The following OR51B5 variants were observed in gnomAD, a reference collection of about 807,000 sequenced individuals.
OR51B5 encodes the protein olfactory receptor 51B5.
For synonymous variants in OR51B5, 186 were observed against 144.8 expected (o/e 1.28, Z -2.04); for missense variants, 456 against 374.6 (o/e 1.22, Z -1.79).
intron 1 of OR51B5, among the ~76,000 whole-genome samples, chr11:5,500,674 A>G (rs954313460): frequency 6.7e-6 from 1 of 148,286 alleles, no homozygotes; most frequent in Non-Finnish European, 1.5e-5. Context: ...ACAACCCTGT[A>G]GTCATGTCAC....
chr11:5,504,410 C>A (rs16931951), intron 1 of OR51B5, among the ~76,000 whole-genome samples: 6,925 of 152,204 alleles, frequency 0.045, 301 homozygotes, highest in East Asian at 0.25. Flanking sequence ...GCAGTAGGCC[C>A]AGCATGACCA....
At chr11:5,453,025 A>T (rs1364058245) in intron 1 of OR51B5, among the ~76,000 whole-genome samples, 1 of 152,164 alleles carries the variant, frequency 6.6e-6, no homozygotes, top group East Asian at 1.9e-4. Context: ...TTAATTTGTG[A>T]TACATATGAA....
At chr11:5,427,359 G>A (rs1422933791) in intron 1 of OR51B5, among the ~76,000 whole-genome samples, 2 of 147,100 alleles carry the variant, frequency 1.4e-5, no homozygotes, top group Admixed American at 6.8e-5. Context: ...TGAACAGTTA[G>A]GTAAGTGAAG....
intron 1 of OR51B5, among the ~76,000 whole-genome samples, chr11:5,407,006 T>A (rs907779889): frequency 2.0e-5 from 3 of 152,014 alleles, no homozygotes; most frequent in African/African-American, 7.2e-5. Flanking sequence ...AACCACAAAA[T>A]TAATGATTTA....
At chr11:5,376,098 T>C (rs1324372575) in intron 1 of OR51B5, among the ~76,000 whole-genome samples, 1 of 151,846 alleles carries the variant, frequency 6.6e-6, no homozygotes, top group East Asian at 1.9e-4. Flanking sequence ...AGAACAGAAA[T>C]TATAACAAAC....
chr11:5,423,185 A>G (rs2133762151), intron 1 of OR51B5: 2 of 1,546,092 alleles, frequency 1.3e-6, no homozygotes, highest in South Asian at 1.2e-5. Flanking sequence ...ACTGACAAGT[A>G]TGAGTCATAG....
intron 1 of OR51B5, among the ~76,000 whole-genome samples, chr11:5,404,176 G>A (rs1014249323): frequency 6.9e-6 from 1 of 144,280 alleles, no homozygotes; most frequent in Non-Finnish European, 1.5e-5. Context: ...GGGCGGGGAG[G>A]GCGGGGGGCG....
At chr11:5,485,927 T>A (rs910778567) in intron 1 of OR51B5, among the ~76,000 whole-genome samples, 7 of 152,054 alleles carry the variant, frequency 4.6e-5, no homozygotes, top group African/African-American at 7.2e-5. Flanking sequence ...ATAGTTTTTT[T>A]AAAAAATGTG....
chr11:5,466,356 A>G (rs1291094938), intron 1 of OR51B5, among the ~76,000 whole-genome samples: 2 of 152,178 alleles, frequency 1.3e-5, no homozygotes, highest in East Asian at 3.8e-4. Flanking sequence ...TTAGTGTTGC[A>G]GAAGTACTCG....
In OR51B5 at chr11:5,343,418, A is replaced by AT. The variant is rs1457339615; in HGVS notation, c.106dup (p.Ile36AsnfsTer13). 15 of 1,613,422 alleles carry AT rather than the reference A, an allele frequency of 9.3e-6. No homozygotes were observed. The highest frequency in any genetic ancestry group is 1.2e-5 in the Non-Finnish European group (14 of 1,179,572). On this transcript the variant is annotated frameshift_variant, in exon 1 of 1. Coordinates refer to ENST00000300773, the Ensembl canonical transcript of OR51B5. LOFTEE classifies it low-confidence loss of function (END_TRUNC). ...AAGGAGGGTGCCATTGCCAAAAAGG[A>AT]TGGATATATACATGAACAAGAAAAA...
intron 1 of OR51B5, among the ~76,000 whole-genome samples, chr11:5,382,155 T>G (rs1273098226): frequency 6.6e-6 from 1 of 152,248 alleles, no homozygotes; most frequent in Non-Finnish European, 1.5e-5. Flanking sequence ...TGCCCCTGCC[T>G]ACCTCTACTG....
chr11:5,439,764 T>A (rs1564813722), intron 1 of OR51B5, among the ~76,000 whole-genome samples: 2 of 152,150 alleles, frequency 1.3e-5, no homozygotes, highest in East Asian at 3.8e-4. Flanking sequence ...CAGATGGGCA[T>A]CAATCTAATA....
intron 1 of OR51B5, chr11:5,505,259 T>C: frequency 1.6e-6 from 2 of 1,243,328 alleles, no homozygotes; most frequent in Non-Finnish European, 2.1e-6. Flanking sequence ...GGTTTTTTGT[T>C]TTTTTCCTCA....
At chr11:5,411,564 A>G (rs192934596) in intron 1 of OR51B5, among the ~76,000 whole-genome samples, 1 of 152,356 alleles carries the variant, frequency 6.6e-6, no homozygotes, top group East Asian at 1.9e-4. Flanking sequence ...AAGGAACATA[A>G]TTGTGGTAGA....
chr11:5,452,094 G>A (rs1850861435), intron 1 of OR51B5, among the ~76,000 whole-genome samples: 1 of 152,208 alleles, frequency 6.6e-6, no homozygotes, highest in African/African-American at 2.4e-5. Context: ...GTAGATAGAA[G>A]TGTTGTGTGA....
intron 1 of OR51B5, among the ~76,000 whole-genome samples, chr11:5,353,653 T>G (rs940997280): frequency 3.3e-5 from 5 of 152,210 alleles, no homozygotes; most frequent in African/African-American, 1.2e-4. Flanking sequence ...AGTTTTAAAT[T>G]AATTTTAAAA....
intron 1 of OR51B5, chr11:5,431,233 C>T (rs569634562): frequency 9.0e-5 from 31 of 343,598 alleles, no homozygotes; most frequent in African/African-American, 5.2e-4. Flanking sequence ...GGCTACAAAG[C>T]GGTCATAGCT....
chr11:5,470,133 C>A, intron 1 of OR51B5, among the ~76,000 whole-genome samples: 1 of 152,284 alleles, frequency 6.6e-6, no homozygotes, highest in Non-Finnish European at 1.5e-5. Flanking sequence ...TTAAAATATT[C>A]CTTTCCTCAG....
At chr11:5,362,227 G>C (rs1401202749) in intron 1 of OR51B5, among the ~76,000 whole-genome samples, 2 of 152,186 alleles carry the variant, frequency 1.3e-5, no homozygotes, top group Non-Finnish European at 2.9e-5. Context: ...TGGATCCCGT[G>C]TTTCTGTCGG....
Sources: gnomAD v4.1 joint callset for allele counts (sites outside exome capture counted in the v4.1 genomes callset) on GRCh38, gnomAD v4.1.1 for gene constraint, MANE v1.5 for transcripts, NCBI Gene and HGNC (gene_info 2026-07-23, HGNC 2026-07-21) for gene names.